ZNF718: variants seen among roughly 807,000 people sequenced by gnomAD.
The protein encoded by ZNF718 is zinc finger protein 718.
Under a neutral mutation model 2.6 loss-of-function variants are expected in ZNF718, and 3 were observed. That is an observed-to-expected ratio of 1.16 (90% CI 0.53 to 3.01). The LOEUF (loss-of-function observed/expected upper bound fraction) is 3.01. Among genes scored for constraint, ZNF718 ranks in the 30% most tolerant of loss-of-function variants. The probability of loss-of-function intolerance (pLI) is 0.03; values close to 1 mark genes in which losing one functional copy is unlikely to be tolerated. For synonymous variants in ZNF718, 135 were observed against 77.9 expected (o/e 1.73, Z -3.86); for missense variants, 468 against 230.0 (o/e 2.03, Z -6.69).
chr4:128,563 A>G (rs1715287388), intron 1 of ZNF718, among the ~76,000 whole-genome samples: 1 of 102,628 alleles, frequency 9.7e-6, no homozygotes, highest in Admixed American at 1.1e-4. Context: ...CAAGATGTGC[A>G]GGACCACCAG....
chr4:169,760 T>C (rs1488372437), intron 3 of ZNF718, among the ~76,000 whole-genome samples: 2 of 152,294 alleles, frequency 1.3e-5, no homozygotes, highest in East Asian at 3.9e-4. Context: ...TGAGATGGGT[T>C]TCCTGAATGC....
intron 3 of ZNF718, among the ~76,000 whole-genome samples, chr4:181,501 C>T (rs183546116): frequency 6.4e-4 from 97 of 151,954 alleles, no homozygotes; most frequent in African/African-American, 2.2e-3. Flanking sequence ...TATTTGTTTG[C>T]ATGTTGACAA....
intron 3 of ZNF718, among the ~76,000 whole-genome samples, chr4:196,028 T>TCTCC (rs1481831188): frequency 1.3e-5 from 2 of 151,946 alleles, no homozygotes; most frequent in African/African-American, 4.8e-5. Flanking sequence ...CCCCTCTCTC[T>TCTCC]CTCCCTCTCT....
intron 3 of ZNF718, among the ~76,000 whole-genome samples, chr4:140,181 C>T (rs1715752689): frequency 6.6e-6 from 1 of 152,154 alleles, no homozygotes; most frequent in Non-Finnish European, 1.5e-5. Context: ...GCATCCAGTT[C>T]TCATTGCAGT....
In ZNF718 at chr4:149,995, A is replaced by C. The variant is rs1471918222; in HGVS notation, c.227-10917A>C. ...GATTTATTTTATCTTGTAAAATACA[A>C]TACCCAATAAAAAATAAACTGCCCC... On this transcript the variant is annotated intron_variant, in intron 3 of 3. Transcript: ENST00000510175. 3 of 152,106 alleles carry C rather than the reference A, an allele frequency of 2.0e-5. No individual in the cohort carries two copies. The East Asian group carries it at 5.8e-4, about 29-fold the overall frequency. The allele number at this position is 152,106 out of a possible 1,614,324, so 9.4% of individuals were successfully genotyped here.
chr4:171,968 A>G (rs1460776305), intron 3 of ZNF718, among the ~76,000 whole-genome samples: 1 of 152,130 alleles, frequency 6.6e-6, no homozygotes, highest in Admixed American at 6.5e-5. Flanking sequence ...AGCTGTTCCT[A>G]TTCGGCCATC....
At chr4:139,984 G>A (rs1046977634) in intron 3 of ZNF718, among the ~76,000 whole-genome samples, 2 of 151,758 alleles carry the variant, frequency 1.3e-5, no homozygotes, top group Admixed American at 6.6e-5. Flanking sequence ...TTAAGTCGCT[G>A]TTTATAATTG....
At chr4:126,759 A>G (rs1715237284) in intron 1 of ZNF718, among the ~76,000 whole-genome samples, 1 of 151,816 alleles carries the variant, frequency 6.6e-6, no homozygotes, top group African/African-American at 2.4e-5. Flanking sequence ...TGGTTTAATT[A>G]TATAACAAAA....
intron 3 of ZNF718, among the ~76,000 whole-genome samples, chr4:154,290 T>C (rs532477569): frequency 1.3e-5 from 2 of 152,100 alleles, no homozygotes; most frequent in Non-Finnish European, 2.9e-5. Flanking sequence ...CTGCAGTAAA[T>C]TGGTACCAGT....
intron 3 of ZNF718, among the ~76,000 whole-genome samples, chr4:155,702 A>G (rs529990525): frequency 9.2e-5 from 14 of 152,226 alleles, no homozygotes; most frequent in Admixed American, 5.2e-4. Flanking sequence ...CTTTCTCTCA[A>G]TGAGACTTGA....
intron 3 of ZNF718, among the ~76,000 whole-genome samples, chr4:158,834 T>C (rs1344854658): frequency 1.3e-5 from 2 of 151,314 alleles, no homozygotes; most frequent in Admixed American, 6.6e-5. Context: ...TGTTTTCATA[T>C]GATTATGTTT....
In ZNF718 at chr4:130,187, G is replaced by T. The variant is rs1205439634; in HGVS notation, c.4-601G>T. On this transcript the variant is annotated intron_variant, in intron 1 of 3. Transcript: ENST00000510175. ...CTGAGTGGTATAATGGGTCTAGGGGGAGGAGTGTCAGCAATAAGAAGACTT... is the reference window on the plus strand; with the variant it reads ...CTGAGTGGTATAATGGGTCTAGGGGTAGGAGTGTCAGCAATAAGAAGACTT... Among the ~76,000 whole-genome samples the T allele has an allele frequency of 5.8e-5, 6 of 103,998 alleles. 1 individual carries two copies. The allele number at this position is 103,998 out of a possible 152,430, so 68.2% of individuals were successfully genotyped here.
intron 3 of ZNF718, among the ~76,000 whole-genome samples, chr4:157,764 CA>C (rs1344570641): frequency 2.6e-5 from 4 of 152,156 alleles, no homozygotes; most frequent in Non-Finnish European, 4.4e-5. Flanking sequence ...GGTGGTTTAT[CA>C]AGAAGACTTT....
intron 3 of ZNF718, among the ~76,000 whole-genome samples, chr4:143,571 T>C (rs571792383): frequency 6.6e-6 from 1 of 152,326 alleles, no homozygotes; most frequent in South Asian, 2.1e-4. Flanking sequence ...CAAAACAAAA[T>C]GGAGTTGCTT....
intron 3 of ZNF718, among the ~76,000 whole-genome samples, chr4:196,577 A>G (rs1482968536): frequency 6.6e-6 from 1 of 152,156 alleles, no homozygotes; most frequent in African/African-American, 2.4e-5. Context: ...GGTCAGAAGG[A>G]AAGGTAGGGG....
At chr4:165,152 T>C (rs1381448664), downstream of ZNF718, among the ~76,000 whole-genome samples, 1 of 152,202 alleles carries the variant, frequency 6.6e-6, no homozygotes, top group Non-Finnish European at 1.5e-5. Context: ...TTCACTGTTC[T>C]CTTCATGCCA....
In ZNF718 at chr4:161,060, A is replaced by G. The variant is rs782396180; in HGVS notation, c.375A>G (p.Lys125=). The change falls in exon 4 of 4, where the codon AAA becomes AAG. Residue 125 remains lysine, a synonymous_variant. Coordinates refer to ENST00000510175, the MANE Select transcript of ZNF718 (RefSeq NM_001039127.6). ...GTATAAATGAGTGTAAGGTGCAGAAAGGTGGTTATAATAGAATTAACCAAT... is the reference window on the plus strand; with the variant it reads ...GTATAAATGAGTGTAAGGTGCAGAAGGGTGGTTATAATAGAATTAACCAAT... ...CKSINECKVQ[K]GGYNRINQCL... The G allele has an allele frequency of 1.3e-6, 1 of 779,894 alleles. No individual in the cohort carries two copies. Among genetic ancestry groups the G allele is most frequent in the Non-Finnish European group, 2.4e-6 (1 of 417,472 alleles). The allele number at this position is 779,894 out of a possible 1,614,324, so 48.3% of individuals were successfully genotyped here.
chr4:125,761 C>T (rs1715181478), intron 1 of ZNF718, among the ~76,000 whole-genome samples: 1 of 152,196 alleles, frequency 6.6e-6, no homozygotes, highest in African/African-American at 2.4e-5. Context: ...TGCTAACCCA[C>T]TCCTGAGCAC....
intron 3 of ZNF718, chr4:149,627 CAG>C (rs1716225755): frequency 6.6e-6 from 1 of 152,030 alleles, no homozygotes; most frequent in Non-Finnish European, 1.5e-5. Context: ...ATTTATAAAT[CAG>C]ACATTTTTAT....
Sources: allele counts gnomAD v4.1 joint callset (sites outside exome capture counted in the v4.1 genomes callset), GRCh38; gene constraint gnomAD v4.1.1; transcripts MANE v1.5; gene names NCBI Gene and HGNC (gene_info 2026-07-23, HGNC 2026-07-21).